The following PRDM5 variants were observed in gnomAD, a reference collection of about 807,000 sequenced individuals.
PRDM5 encodes the protein PR domain zinc finger protein 5.
A neutral mutation model predicts 81.2 loss-of-function variants in PRDM5; 56 were observed. That is an observed-to-expected ratio of 0.69 (90% CI 0.56 to 0.86). PRDM5 has a LOEUF of 0.86. Ranked by LOEUF, PRDM5 falls within the 40% of genes least tolerant of loss-of-function variation. The probability of loss-of-function intolerance (pLI) is 0.00; values close to 1 mark genes in which losing one functional copy is unlikely to be tolerated. For synonymous variants in PRDM5, 267 were observed against 256.4 expected, an observed-to-expected ratio of 1.04 and a Z score of -0.39; for missense variants, 697 against 770.1, an observed-to-expected ratio of 0.91 and a Z score of 1.12.
chr4:120,744,835 C>T (rs560202663), intron 14 of PRDM5, among the ~76,000 whole-genome samples: 17 of 145,416 alleles, frequency 1.2e-4, no homozygotes, highest in Non-Finnish European at 2.1e-4. Flanking sequence ...GATTCACAGC[C>T]GAATTCTACC....
At chr4:120,823,270 T>G (rs1755528679) in intron 3 of PRDM5, among the ~76,000 whole-genome samples, 1 of 152,222 alleles carries the variant, frequency 6.6e-6, no homozygotes, top group Admixed American at 6.5e-5. Flanking sequence ...TAACTTAAAC[T>G]GTAATCACAG....
At chr4:120,710,238 C>CAT (rs990385762) in intron 15 of PRDM5, 71 bp downstream of exon 15, 10 of 1,190,388 alleles carry the variant, frequency 8.4e-6, no homozygotes, top group Non-Finnish European at 1.2e-5. Context: ...CACACACACA[C>CAT]ATACACACAC....
chr4:120,744,658 C>T (rs577588226), intron 14 of PRDM5, among the ~76,000 whole-genome samples: 101 of 151,854 alleles, frequency 6.7e-4, no homozygotes, highest in South Asian at 3.1e-3. Context: ...AACACCTCTA[C>T]GCAAATAAAC....
intron 13 of PRDM5, among the ~76,000 whole-genome samples, chr4:120,771,657 G>A (rs576734958): frequency 3.9e-5 from 6 of 151,922 alleles, no homozygotes; most frequent in Non-Finnish European, 7.4e-5. Flanking sequence ...ATTTCAACAC[G>A]TTCAACAATT....
At chr4:120,761,051 C>A (rs1357867298) in intron 13 of PRDM5, among the ~76,000 whole-genome samples, 3 of 152,144 alleles carry the variant, frequency 2.0e-5, no homozygotes, top group Non-Finnish European at 4.4e-5. Context: ...TAACATTATT[C>A]AGGCAGACTT....
chr4:120,738,044 A>G (rs1027406594), intron 14 of PRDM5, among the ~76,000 whole-genome samples: 1 of 152,212 alleles, frequency 6.6e-6, no homozygotes, highest in Non-Finnish European at 1.5e-5. Flanking sequence ...CATATAAACA[A>G]ATTATAAAAA....
chr4:120,737,832 T>C (rs1047253126), intron 14 of PRDM5, among the ~76,000 whole-genome samples: 3 of 152,220 alleles, frequency 2.0e-5, no homozygotes, highest in African/African-American at 7.2e-5. Context: ...AATAAATAAA[T>C]GAATGGATTC....
intron 3 of PRDM5, among the ~76,000 whole-genome samples, chr4:120,842,179 GTTGGCTGCACGGCAGTCTGGC>G (rs1209126595): frequency 6.6e-6 from 1 of 152,282 alleles, no homozygotes; most frequent in East Asian, 1.9e-4. Context: ...ATGAGGTGCT[GTTGGCTGCACGGCAGTCTGGC>G]TAAGATAAAA....
chr4:120,872,981 T>C (rs920398959), intron 2 of PRDM5, among the ~76,000 whole-genome samples: 11 of 151,222 alleles, frequency 7.3e-5, no homozygotes, highest in East Asian at 2.0e-4. Context: ...GTAAATTTTA[T>C]GTTATGTGTT....
chr4:120,724,907 C>T (rs1739166458), intron 14 of PRDM5, among the ~76,000 whole-genome samples: 1 of 152,156 alleles, frequency 6.6e-6, no homozygotes, highest in African/African-American at 2.4e-5. Flanking sequence ...ATATAAATTA[C>T]ATCTCTGAGT....
intron 2 of PRDM5, among the ~76,000 whole-genome samples, chr4:120,877,250 G>A (rs931766886): frequency 2.0e-5 from 3 of 152,146 alleles, no homozygotes; most frequent in Admixed American, 6.5e-5. Context: ...AAACACAAGT[G>A]ACCTTTAGAG....
intron 2 of PRDM5, among the ~76,000 whole-genome samples, chr4:120,901,984 T>G (rs1387153513): frequency 6.6e-6 from 1 of 152,196 alleles, no homozygotes; most frequent in Non-Finnish European, 1.5e-5. Context: ...CTTGTGATCT[T>G]GGAGCAGTTG....
intron 13 of PRDM5, among the ~76,000 whole-genome samples, chr4:120,773,192 A>C (rs967239358): frequency 1.3e-5 from 2 of 152,218 alleles, no homozygotes; most frequent in South Asian, 4.1e-4. Context: ...TTTATATGAA[A>C]CAAAATGACT....
intron 15 of PRDM5, among the ~76,000 whole-genome samples, chr4:120,708,385 G>GT (rs1736496687): frequency 6.6e-6 from 1 of 152,068 alleles, no homozygotes; most frequent in South Asian, 2.1e-4. Flanking sequence ...AAAGAAGCCA[G>GT]TCACAAAAGG....
intron 13 of PRDM5, among the ~76,000 whole-genome samples, chr4:120,774,898 A>ATC (rs34803621): frequency 7.0e-6 from 1 of 142,320 alleles, no homozygotes; most frequent in Non-Finnish European, 1.5e-5. Flanking sequence ...CTATATATAT[A>ATC]TATATATATG....
At chr4:120,913,990 G>GTCAGTTATT (rs1766798795) in intron 1 of PRDM5, among the ~76,000 whole-genome samples, 1 of 152,122 alleles carries the variant, frequency 6.6e-6, no homozygotes, top group Non-Finnish European at 1.5e-5. Flanking sequence ...ACGCCACAGA[G>GTCAGTTATT]GACTATTCAA....
chr4:120,900,462 T>G (rs2148658380), intron 2 of PRDM5, among the ~76,000 whole-genome samples: 1 of 152,334 alleles, frequency 6.6e-6, no homozygotes, highest in South Asian at 2.1e-4. Context: ...ACATGCTCAT[T>G]AATAAAGTAG....
At chr4:120,705,337 G>C (rs550721819) in intron 15 of PRDM5, among the ~76,000 whole-genome samples, 22 of 152,220 alleles carry the variant, frequency 1.4e-4, no homozygotes, top group African/African-American at 5.1e-4. Flanking sequence ...ACAAATTTTT[G>C]GTGGATATAA....
intron 4 of PRDM5, among the ~76,000 whole-genome samples, chr4:120,820,524 T>C (rs1322979538): frequency 6.6e-6 from 1 of 152,206 alleles, no homozygotes; most frequent in Non-Finnish European, 1.5e-5. Context: ...CCAATAATAA[T>C]TGATTATTCC....
Sources: allele counts gnomAD v4.1 joint callset (sites outside exome capture counted in the v4.1 genomes callset), GRCh38; gene constraint gnomAD v4.1.1; transcripts MANE v1.5; gene names NCBI Gene and HGNC (gene_info 2026-07-23, HGNC 2026-07-21).